Variants in MFSD11 observed in about 807,000 individuals in gnomAD.
MFSD11 encodes major facilitator superfamily domain containing 11.
In MFSD11, 36 loss-of-function variants were observed where a neutral mutation model predicts 53.5. That is an observed-to-expected ratio of 0.67 (90% CI 0.52 to 0.89). MFSD11 has a LOEUF of 0.89. MFSD11 is among the 40% of genes least tolerant of loss of function. The probability of loss-of-function intolerance (pLI) is 0.00; values close to 1 mark genes in which losing one functional copy is unlikely to be tolerated. For synonymous variants in MFSD11, 186 were observed against 184.9 expected (o/e 1.01, Z -0.05); for missense variants, 530 against 543.9 (o/e 0.97, Z 0.25).
At position 76,778,331 on chromosome 17, in the gene MFSD11, CTCTGACTACCGAAGTA is replaced by C. The variant is rs2082028844; in HGVS notation, c.1335_1350del (p.Tyr446LeufsTer9). Reference sequence around the variant, plus strand: ...AAGCTGCCGCCTTTGTAGCCCGCGGCTCTGACTACCGAAGTATCTGATCTGGTGTCCGTGAGGGGAC... The same window carrying C: ...AAGCTGCCGCCTTTGTAGCCCGCGGCTCTGATCTGGTGTCCGTGAGGGGAC... On this transcript the variant is annotated frameshift_variant, in exon 13 of 13. Coordinates refer to ENST00000685175, the MANE Select transcript of MFSD11 (RefSeq NM_001242532.5). LOFTEE classifies it high-confidence loss of function. 1 of 1,614,192 alleles carries C rather than the reference CTCTGACTACCGAAGTA, an allele frequency of 6.2e-7. No homozygotes were observed. The highest frequency in any genetic ancestry group is 1.3e-5 in the African/African-American group (1 of 75,054).
chr17:76,800,662 G>A, the MFSD11 span, among the ~76,000 whole-genome samples: 2 of 152,152 alleles, frequency 1.3e-5, no homozygotes, highest in African/African-American at 4.8e-5. Context: ...GTGCATAGCT[G>A]TCTATACACT....
At chr17:76,740,314 A>C (rs2077943206) in intron 2 of MFSD11, among the ~76,000 whole-genome samples, 1 of 152,210 alleles carries the variant, frequency 6.6e-6, no homozygotes, top group African/African-American at 2.4e-5. Flanking sequence ...GGTTTTAACC[A>C]CACTTCGTAC....
the MFSD11 span, among the ~76,000 whole-genome samples, chr17:76,799,962 T>C: frequency 5.4e-5 from 8 of 148,362 alleles, no homozygotes; most frequent in Non-Finnish European, 8.9e-5. Context: ...TTCCTTTTTT[T>C]TTTTTTTTTT....
upstream of MFSD11, chr17:76,736,687 C>A (rs1208667575): frequency 7.1e-6 from 9 of 1,275,004 alleles, no homozygotes; most frequent in African/African-American, 4.7e-5. Context: ...GCGGCGTGCA[C>A]CCCCGCCCCG....
downstream of MFSD11, among the ~76,000 whole-genome samples, chr17:76,780,828 A>G (rs570479834): frequency 3.7e-4 from 57 of 152,084 alleles, no homozygotes; most frequent in Non-Finnish European, 6.8e-4. Context: ...CAGATTTTGA[A>G]GTTCTGGTTT....
chr17:76,788,513 C>T, the MFSD11 span, among the ~76,000 whole-genome samples: 1 of 148,862 alleles, frequency 6.7e-6, no homozygotes, highest in Non-Finnish European at 1.5e-5. Flanking sequence ...TTACAGGTGC[C>T]TGCCACCACG....
intron 8 of MFSD11, among the ~76,000 whole-genome samples, chr17:76,761,958 C>G (rs2080297275): frequency 6.6e-6 from 1 of 152,032 alleles, no homozygotes; most frequent in Admixed American, 6.6e-5. Context: ...TATGATTCAC[C>G]CATTTAATCA....
chr17:76,786,483 G>GA, the MFSD11 span, among the ~76,000 whole-genome samples: 1 of 152,170 alleles, frequency 6.6e-6, no homozygotes, highest in South Asian at 2.1e-4. Flanking sequence ...GGACTCACAG[G>GA]ACTCAGCACG....
downstream of MFSD11, among the ~76,000 whole-genome samples, chr17:76,786,337 G>T (rs368125898): frequency 6.6e-6 from 1 of 151,882 alleles, no homozygotes; most frequent in African/African-American, 2.4e-5. Context: ...TAGAGACAGG[G>T]TTTCGCCATG....
the MFSD11 span, among the ~76,000 whole-genome samples, chr17:76,799,979 C>T: frequency 7.9e-6 from 1 of 126,960 alleles, no homozygotes; most frequent in Admixed American, 8.0e-5. Flanking sequence ...TTTTTGAGAC[C>T]GAGTCTCCCT....
At chr17:76,786,325 A>G (rs2082273549), downstream of MFSD11, among the ~76,000 whole-genome samples, 1 of 151,796 alleles carries the variant, frequency 6.6e-6, no homozygotes, top group Non-Finnish European at 1.5e-5. Flanking sequence ...TTGTATTTTT[A>G]GTAGAGACAG....
the MFSD11 span, among the ~76,000 whole-genome samples, chr17:76,787,250 C>G: frequency 5.3e-5 from 8 of 151,522 alleles, no homozygotes; most frequent in East Asian, 1.4e-3. Flanking sequence ...ATTTTCCTGC[C>G]TCAGGCTCCC....
At chr17:76,738,829 A>C (rs141553434) in intron 1 of MFSD11, 109 bp from the exon 2 acceptor site, 1 of 832,260 alleles carries the variant, frequency 1.2e-6, no homozygotes, top group South Asian at 1.5e-5. Flanking sequence ...TATTAAGTAC[A>C]TTATGAACTT....
chr17:76,737,506 G>C (rs2077581908), upstream of MFSD11: 2 of 314,308 alleles, frequency 6.4e-6, no homozygotes, highest in Admixed American at 9.3e-5. Context: ...GGGCCAAAAA[G>C]CGCGGAGTCA....
At chr17:76,791,441 T>A in the MFSD11 span, among the ~76,000 whole-genome samples, 3 of 149,316 alleles carry the variant, frequency 2.0e-5, no homozygotes, top group Admixed American at 2.0e-4. Flanking sequence ...CAGTTTTATA[T>A]CTTAGAAAGG....
At chr17:76,740,050 T>TA in intron 2 of MFSD11, among the ~76,000 whole-genome samples, 1 of 150,122 alleles carries the variant, frequency 6.7e-6, no homozygotes, top group Non-Finnish European at 1.5e-5. Flanking sequence ...GGTGGGCGCC[T>TA]GTAATCCCAG....
intron 7 of MFSD11, among the ~76,000 whole-genome samples, chr17:76,750,443 C>G (rs145748787): frequency 6.7e-6 from 1 of 149,544 alleles, no homozygotes; most frequent in Non-Finnish European, 1.5e-5. Flanking sequence ...AACTCGGCTC[C>G]GCCTCCCGGG....
At chr17:76,781,563 T>C (rs2082164945), downstream of MFSD11, 1 of 152,182 alleles carries the variant, frequency 6.6e-6, no homozygotes, top group African/African-American at 2.4e-5. Flanking sequence ...AGCCTCGCAT[T>C]CTCCAGGCCC....
At chr17:76,791,674 A>C in the MFSD11 span, among the ~76,000 whole-genome samples, 2 of 148,714 alleles carry the variant, frequency 1.3e-5, no homozygotes, top group East Asian at 3.9e-4. Flanking sequence ...GCTGTACCCT[A>C]TTCTGCAGGA....
Sources: allele counts gnomAD v4.1 joint callset (sites outside exome capture counted in the v4.1 genomes callset), GRCh38; gene constraint gnomAD v4.1.1; transcripts MANE v1.5; gene names NCBI Gene and HGNC (gene_info 2026-07-23, HGNC 2026-07-21).